The following COL12A1 variants were observed in gnomAD, a reference collection of about 807,000 sequenced individuals.
The protein encoded by COL12A1 is collagen type XII alpha 1 chain, also known as collagen alpha-1(XII) chain.
A neutral mutation model predicts 349.7 loss-of-function variants in COL12A1; 114 were observed. The observed-to-expected ratio is 0.33, with a 90% CI of 0.28 to 0.38. The LOEUF (loss-of-function observed/expected upper bound fraction) is 0.38. COL12A1 is among the 10% of genes least tolerant of loss of function. COL12A1 has a pLI of 1.00. For missense variants in COL12A1, 3,284 were observed against 3,756.9 expected, an observed-to-expected ratio of 0.87 and a Z score of 3.29; for synonymous variants, 1,369 against 1,329.0, an observed-to-expected ratio of 1.03 and a Z score of -0.66.
At chr6:75,098,370 T>A (rs1768148638) in intron 58 of COL12A1, among the ~76,000 whole-genome samples, 1 of 152,224 alleles carries the variant, frequency 6.6e-6, no homozygotes, top group African/African-American at 2.4e-5. Flanking sequence ...GAGGCAAAGC[T>A]GGGCTGGATG....
chr6:75,192,784 A>G (rs1035862621), intron 3 of COL12A1, among the ~76,000 whole-genome samples: 15 of 152,090 alleles, frequency 9.9e-5, no homozygotes, highest in Non-Finnish European at 1.9e-4. Flanking sequence ...CTCAAAGAAA[A>G]CAAACCCCAT....
At chr6:75,112,629 T>C (rs1053043352) in intron 51 of COL12A1, among the ~76,000 whole-genome samples, 3 of 151,770 alleles carry the variant, frequency 2.0e-5, no homozygotes, top group Admixed American at 6.6e-5. Context: ...TTCTAGAGAA[T>C]TGTGTTTTTA....
At position 75,110,267 on chromosome 6, in the gene COL12A1, A is replaced by T. The variant is rs556321763; in HGVS notation, c.7951-1100T>A. Among the ~76,000 whole-genome samples, 50 of 152,174 alleles carry T rather than the reference A, an allele frequency of 3.3e-4. 1 individual carries two copies. In the South Asian group the frequency reaches 0.01, roughly 32 times the overall value. Reference sequence around the variant, plus strand: ...TGAACAACCACAGATGCAAACATTGACAAGGCATGTGAAAAACCACAGTAT... The same window carrying T: ...TGAACAACCACAGATGCAAACATTGTCAAGGCATGTGAAAAACCACAGTAT... On this transcript the variant is annotated intron_variant, in intron 51 of 65. Coordinates refer to ENST00000322507, the MANE Select transcript of COL12A1 (RefSeq NM_004370.6).
In COL12A1 at chr6:75,103,798, C is replaced by T. The variant is rs1768418483; in HGVS notation, c.8278G>A (p.Ala2760Thr). The T allele has an allele frequency of 6.2e-7, 1 of 1,613,230 alleles. No individual in the cohort carries two copies. Reference sequence around the variant, plus strand: ...CCTCTTTCACCTCTGGGACCTTTAGCACCAGGTCCTCCCTAAAATACATAG... The same window carrying T: ...CCTCTTTCACCTCTGGGACCTTTAGTACCAGGTCCTCCCTAAAATACATAG... Reference protein sequence around the residue: ...GPPGPAGGPGAKGPRGERGIS... With the variant: ...GPPGPAGGPGTKGPRGERGIS... The change falls in exon 55 of 66, where the codon GCT becomes ACT. Residue 2760 changes from alanine (A) to threonine (T), a missense_variant. Transcript: ENST00000322507.
intron 59 of COL12A1, among the ~76,000 whole-genome samples, chr6:75,095,388 C>T (rs1383934514): frequency 2.0e-5 from 3 of 152,106 alleles, no homozygotes; most frequent in Non-Finnish European, 2.9e-5. Flanking sequence ...GAGGCCGAGG[C>T]GGGTGGATCA....
intron 30 of COL12A1, 91 bp from the exon 31 acceptor site, chr6:75,137,670 T>C (rs866284843): frequency 2.2e-6 from 3 of 1,355,830 alleles, no homozygotes; most frequent in South Asian, 2.6e-5. Context: ...CAGAGAATTC[T>C]ATGCCTCTGG....
rs777735047 is a variant in COL12A1 at position 75,183,177 on chromosome 6, G to A, written c.1764C>T (p.Ala588=). The change falls in exon 10 of 66, where the codon GCC becomes GCT. Residue 588 remains alanine, a synonymous_variant. Coordinates refer to ENST00000322507, the MANE Select transcript of COL12A1 (RefSeq NM_004370.6). The stretch of plus-strand genomic sequence containing the variant: ...ACACATGGGTCTCTGCAGGAGGAGA[G>A]GCAATAGCTTCCAATTCTGAGCGAA... The part of the protein sequence containing the change: ...DAVRSELEAI[A]SPPAETHVFT... The A allele has an allele frequency of 8.1e-6, 13 of 1,614,136 alleles. No homozygotes were observed. Among genetic ancestry groups the A allele is most frequent in the Non-Finnish European group, 1.1e-5 (13 of 1,180,038 alleles).
intron 11 of COL12A1, among the ~76,000 whole-genome samples, chr6:75,179,796 T>A (rs1181549703): frequency 6.6e-6 from 1 of 152,248 alleles, no homozygotes; most frequent in East Asian, 1.9e-4. Context: ...TGCCTTGCCT[T>A]AGTCTTCCAC....
chr6:75,150,836 CAAAT>C (rs1767442918), intron 21 of COL12A1, among the ~76,000 whole-genome samples: 2 of 151,912 alleles, frequency 1.3e-5, no homozygotes, highest in South Asian at 4.2e-4. Flanking sequence ...AATATATCCT[CAAAT>C]AAGCTAGAAG....
chr6:75,181,435 T>C (rs1769286656), intron 10 of COL12A1, among the ~76,000 whole-genome samples: 1 of 152,202 alleles, frequency 6.6e-6, no homozygotes, highest in Admixed American at 6.5e-5. Context: ...CTATCTATAA[T>C]ACTAACTTCT....
chr6:75,171,798 AG>A (rs1185656916), intron 13 of COL12A1, among the ~76,000 whole-genome samples: 1 of 152,242 alleles, frequency 6.6e-6, no homozygotes, highest in Non-Finnish European at 1.5e-5. Context: ...TGGAATAACC[AG>A]GGGCAAAAAT....
intron 60 of COL12A1, among the ~76,000 whole-genome samples, chr6:75,093,851 G>T (rs1218683365): frequency 6.6e-6 from 1 of 151,918 alleles, no homozygotes; most frequent in African/African-American, 2.4e-5. Flanking sequence ...TTTCTTTTAG[G>T]CTTCTAGCTA....
chr6:75,103,656 G>A (rs929818572), intron 55 of COL12A1, 101 bp downstream of exon 55: 5 of 905,996 alleles, frequency 5.5e-6, no homozygotes, highest in Non-Finnish European at 8.9e-6. Context: ...CACTGAACCT[G>A]AGCTGACTTG....
chr6:75,116,195 T>A (rs1769068849), intron 47 of COL12A1, 138 bp from the exon 48 acceptor site: 1 of 813,414 alleles, frequency 1.2e-6, no homozygotes, highest in Non-Finnish European at 2.0e-6. Context: ...AATTTAATAT[T>A]TTATACATTA....
At position 75,166,529 on chromosome 6, in the gene COL12A1, CAACTT is replaced by C. The variant is rs532101245; in HGVS notation, c.2711-755_2711-751del. ...CCCAAGTGGAAAAATATGGAAACCT[CAACTT>C]AACAGGAGGCACAAATGTCTTTCAA... On this transcript the variant is annotated intron_variant, in intron 13 of 65. Transcript: ENST00000322507. Among the ~76,000 whole-genome samples, 385 of 152,248 alleles carry C rather than the reference CAACTT, an allele frequency of 2.5e-3. 3 individuals carry two copies. The highest frequency in any genetic ancestry group is 8.8e-3 in the African/African-American group (367 of 41,562).
intron 53 of COL12A1, 54 bp from the exon 54 acceptor site, chr6:75,105,346 C>T: frequency 5.6e-6 from 7 of 1,243,526 alleles, no homozygotes; most frequent in Non-Finnish European, 7.0e-6. Context: ...AAAATGACTT[C>T]CCATCCCCAC....
Position 75,183,992 on chromosome 6 carries a change from G to A in COL12A1, c.1150C>T (p.Pro384Ser), listed in dbSNP as rs370952607. The A allele has an allele frequency of 3.0e-5, 49 of 1,614,050 alleles. No homozygotes were observed. Among genetic ancestry groups the A allele is most frequent in the South Asian group, 2.1e-4 (19 of 91,094 alleles). ...CGAACACTGAGCGTGGTTGTCTGAG[G>A]CCCCACACTCAGAGCGTGCTGTCGG... is the stretch of plus-strand genomic sequence containing the variant. Reference protein sequence around the residue: ...GSRQHALSVGPQTTTLSVRDL... With the variant: ...GSRQHALSVGSQTTTLSVRDL... Residue 384 changes from proline to serine, a missense_variant, in exon 9 of 66, where the codon CCT becomes TCT. Around this residue, in one of 2 missense-constraint regions of COL12A1, gnomAD observed 2,601 missense variants for 2,824.8 expected, o/e 0.92. Coordinates refer to ENST00000322507, the MANE Select transcript of COL12A1 (RefSeq NM_004370.6).
chr6:75,095,623 C>CAAA (rs58205028), intron 59 of COL12A1, among the ~76,000 whole-genome samples: 48 of 102,056 alleles, frequency 4.7e-4, no homozygotes, highest in Admixed American at 1.3e-3. Context: ...GACTCCGTCT[C>CAAA]AAAAAAAAAA....
intron 27 of COL12A1, among the ~76,000 whole-genome samples, chr6:75,140,198 G>C (rs576347943): frequency 7.9e-5 from 12 of 152,246 alleles, no homozygotes; most frequent in African/African-American, 2.9e-4. Context: ...TTATTTTTAT[G>C]CAAAGCTGTC....
Sources: allele counts gnomAD v4.1 joint callset (sites outside exome capture counted in the v4.1 genomes callset), GRCh38; gene constraint gnomAD v4.1.1; regional missense constraint gnomAD v4.1.1; transcripts MANE v1.5; gene names NCBI Gene and HGNC (gene_info 2026-07-23, HGNC 2026-07-21).